The following PLXNA4 variants were observed in gnomAD, a reference collection of about 807,000 sequenced individuals.
PLXNA4 encodes the protein plexin A4, also known as plexin-A4.
Under a neutral mutation model 191.8 loss-of-function variants are expected in PLXNA4, and 44 were observed. The ratio of observed to expected loss-of-function variants is 0.23; its 90% CI spans 0.18 to 0.29. The LOEUF (loss-of-function observed/expected upper bound fraction) is 0.29, where lower values mean the gene tolerates loss of function less well. Ranked by LOEUF, PLXNA4 falls within the 10% of genes least tolerant of loss-of-function variation. The pLI, the probability that PLXNA4 is intolerant of heterozygous loss-of-function variation, is 1.00. For synonymous variants in PLXNA4, 1,082 were observed against 1,009.5 expected (o/e 1.07, Z -1.36); for missense variants, 1,800 against 2,488.8 (o/e 0.72, Z 5.89).
At chr7:132,515,912 A>G (rs567382877) in intron 1 of PLXNA4, among the ~76,000 whole-genome samples, 2 of 152,354 alleles carry the variant, frequency 1.3e-5, no homozygotes, top group South Asian at 4.1e-4. Flanking sequence ...CTAGCATAAA[A>G]ATATGAGCTC....
rs530271546 is a variant in PLXNA4, at chr7:132,547,920, C to T, written c.-87+28502G>A. Among the ~76,000 whole-genome samples, 10 of 152,286 alleles carry T rather than the reference C, an allele frequency of 6.6e-5. No individual in the cohort carries two copies. The South Asian group carries it at 2.1e-3, about 32-fold the overall frequency. ...GTAGCCACAACTACAGATCCCAAGACCACTATGACCAAATTAGGACAGAAA... is the reference window on the plus strand; with the variant it reads ...GTAGCCACAACTACAGATCCCAAGATCACTATGACCAAATTAGGACAGAAA... On this transcript the variant is annotated intron_variant, in intron 1 of 31. Transcript: ENST00000321063.
chr7:132,347,761 A>G (rs1285513472), intron 3 of PLXNA4, among the ~76,000 whole-genome samples: 1 of 152,148 alleles, frequency 6.6e-6, no homozygotes, highest in Non-Finnish European at 1.5e-5. Context: ...GCCCAGATCT[A>G]CGCCTATGCT....
intron 3 of PLXNA4, among the ~76,000 whole-genome samples, chr7:132,348,295 C>T (rs1435880189): frequency 6.6e-6 from 1 of 152,080 alleles, no homozygotes; most frequent in Admixed American, 6.5e-5. Flanking sequence ...CATAACAATA[C>T]CTACCTCCTA....
At chr7:132,399,350 T>A (rs1008772593) in intron 3 of PLXNA4, among the ~76,000 whole-genome samples, 1 of 152,214 alleles carries the variant, frequency 6.6e-6, no homozygotes, top group Non-Finnish European at 1.5e-5. Context: ...AAAATAGTCA[T>A]GATCACTTCT....
chr7:132,553,829 G>A (rs894296176), intron 1 of PLXNA4, among the ~76,000 whole-genome samples: 1 of 152,126 alleles, frequency 6.6e-6, no homozygotes, highest in Non-Finnish European at 1.5e-5. Flanking sequence ...CTCTCTGGTT[G>A]ACCAGAACTT....
intron 2 of PLXNA4, among the ~76,000 whole-genome samples, chr7:132,616,156 CAT>C (rs1200730285): frequency 6.6e-6 from 1 of 152,190 alleles, no homozygotes. Context: ...CTGACACACA[CAT>C]GGTCACCATG....
At chr7:132,149,872 G>A (rs547624571) in intron 25 of PLXNA4, among the ~76,000 whole-genome samples, 2 of 152,300 alleles carry the variant, frequency 1.3e-5, no homozygotes, top group East Asian at 3.9e-4. Flanking sequence ...ATTTGTGGCA[G>A]AGAGCACCAA....
chr7:132,272,495 G>A (rs1425911978), intron 4 of PLXNA4, among the ~76,000 whole-genome samples: 1 of 152,082 alleles, frequency 6.6e-6, no homozygotes, highest in Non-Finnish European at 1.5e-5. Context: ...TCACTATTTT[G>A]TCACCAGAAT....
Position 132,130,214 on chromosome 7 carries a change from G to A in PLXNA4, c.*265C>T. 1 of 439,012 alleles carries A rather than the reference G, an allele frequency of 2.3e-6. No individual in the cohort carries two copies. Among genetic ancestry groups the A allele is most frequent in the Non-Finnish European group, 4.2e-6 (1 of 240,004 alleles). The allele number at this position is 439,012 out of a possible 1,614,324, so 27.2% of individuals were successfully genotyped here. ...ACAGAGGCCTCTCTGACATCTTCTG[G>A]TCAGCTCCCTTGCCATGGGCCTGGC... On this transcript the variant is annotated 3_prime_UTR_variant, in exon 32 of 32. Transcript: ENST00000321063.
intron 3 of PLXNA4, among the ~76,000 whole-genome samples, chr7:132,440,226 CACAG>C (rs1431046130): frequency 1.3e-5 from 2 of 152,208 alleles, no homozygotes; most frequent in African/African-American, 4.8e-5. Flanking sequence ...ACATATGTTG[CACAG>C]ACAAACACCT....
Position 132,223,657 on chromosome 7 carries a change from G to A in PLXNA4, c.1983-16C>T, listed in dbSNP as rs1238117027. On this transcript the variant is annotated splice_polypyrimidine_tract_variant and intron_variant, in intron 8 of 31. Transcript: ENST00000321063. Reference sequence around the variant, plus strand: ...GGACAGGCACCTGGGCACAGGGGAAGGGAGGCACAAATCTAAGAACCTGGA... The same window carrying A: ...GGACAGGCACCTGGGCACAGGGGAAAGGAGGCACAAATCTAAGAACCTGGA... 6.2e-7 allele frequency: 1 copy of A among 1,604,072 alleles called. No individual in the cohort carries two copies. The highest frequency in any genetic ancestry group is 8.5e-7 in the Non-Finnish European group (1 of 1,172,912).
intron 31 of PLXNA4, among the ~76,000 whole-genome samples, chr7:132,131,488 T>C (rs1794925023): frequency 6.6e-6 from 1 of 151,010 alleles, no homozygotes; most frequent in South Asian, 2.1e-4. Context: ...ATGTTGTAGT[T>C]TGAGGGGCAG....
At chr7:132,644,161 G>T (rs1042990978) in intron 2 of PLXNA4, among the ~76,000 whole-genome samples, 3 of 152,128 alleles carry the variant, frequency 2.0e-5, no homozygotes, top group Admixed American at 6.5e-5. Flanking sequence ...GTTGAGCAAA[G>T]CTTAGTTCAA....
intron 2 of PLXNA4, among the ~76,000 whole-genome samples, chr7:132,585,225 A>G (rs1802485577): frequency 6.6e-6 from 1 of 152,222 alleles, no homozygotes; most frequent in Non-Finnish European, 1.5e-5. Context: ...CTTTAGATCA[A>G]GTCAAAGGAA....
intron 16 of PLXNA4, among the ~76,000 whole-genome samples, chr7:132,182,835 G>T (rs1796754932): frequency 6.6e-6 from 1 of 152,118 alleles, no homozygotes; most frequent in South Asian, 2.1e-4. Flanking sequence ...CTGCTGAGAG[G>T]GAGGGCACAG....
chr7:132,633,135 G>C (rs1378186220), intron 2 of PLXNA4, among the ~76,000 whole-genome samples: 1 of 152,122 alleles, frequency 6.6e-6, no homozygotes, highest in East Asian at 1.9e-4. Flanking sequence ...GGAGGTGGGC[G>C]AAGAGATGGG....
chr7:132,589,875 AAAG>A (rs1802573693), intron 2 of PLXNA4, among the ~76,000 whole-genome samples: 1 of 152,204 alleles, frequency 6.6e-6, no homozygotes, highest in African/African-American at 2.4e-5. Context: ...ACTGGAAGGA[AAAG>A]AAGGAGCCAG....
chr7:132,435,913 C>T (rs960072082), intron 3 of PLXNA4, among the ~76,000 whole-genome samples: 1 of 152,306 alleles, frequency 6.6e-6, no homozygotes, highest in East Asian at 1.9e-4. Flanking sequence ...CCAGCAGCTT[C>T]CAACAATTTC....
intron 3 of PLXNA4, among the ~76,000 whole-genome samples, chr7:132,419,613 T>C (rs539987703): frequency 6.6e-6 from 1 of 152,252 alleles, no homozygotes; most frequent in South Asian, 2.1e-4. Flanking sequence ...CTGTTTTTCT[T>C]TTTTGAATTC....
Sources: gnomAD v4.1 joint callset for allele counts (sites outside exome capture counted in the v4.1 genomes callset) on GRCh38, gnomAD v4.1.1 for gene constraint, MANE v1.5 for transcripts, NCBI Gene and HGNC (gene_info 2026-07-23, HGNC 2026-07-21) for gene names.